The following RASD2 variants were observed in gnomAD, a reference collection of about 807,000 sequenced individuals.
The protein encoded by RASD2 is GTP-binding protein Rhes.
In RASD2, 7 loss-of-function variants were observed where a neutral mutation model predicts 15.8. That is an observed-to-expected ratio of 0.44 (90% CI 0.25 to 0.83). The LOEUF (loss-of-function observed/expected upper bound fraction) is 0.83. RASD2 is among the 40% of genes least tolerant of loss of function. RASD2 has a pLI of 0.20. For missense variants in RASD2, 274 were observed against 382.8 expected, an observed-to-expected ratio of 0.72 and a Z score of 2.37; for synonymous variants, 155 against 153.6, an observed-to-expected ratio of 1.01 and a Z score of -0.07.
chr22:35,534,044 G>A, the RASD2 span, among the ~76,000 whole-genome samples: 1 of 152,182 alleles, frequency 6.6e-6, no homozygotes, highest in Non-Finnish European at 1.5e-5. Context: ...TAGAAAGAGG[G>A]ATGCAGTCCA....
chr22:35,546,722 C>A, intron 1 of RASD2, 79 bp from the exon 2 acceptor site: 2 of 1,516,540 alleles, frequency 1.3e-6, no homozygotes, highest in South Asian at 2.6e-5. Flanking sequence ...GAGTCCTAGA[C>A]AGAGGCCTAG....
upstream of RASD2, among the ~76,000 whole-genome samples, chr22:35,540,295 G>A (rs1156858538): frequency 6.6e-6 from 1 of 151,574 alleles, no homozygotes; most frequent in South Asian, 2.1e-4. Flanking sequence ...TCCGAGGCCC[G>A]GGCCGCCTTC....
chr22:35,540,123 G>A (rs530629931), upstream of RASD2, among the ~76,000 whole-genome samples: 1 of 152,222 alleles, frequency 6.6e-6, no homozygotes, highest in South Asian at 2.1e-4. Flanking sequence ...AGGGCACCCG[G>A]GGACTTCCGC....
chr22:35,551,534 T>C lies in RASD2; in HGVS notation c.303T>C (p.Asp101=). The change falls in exon 3 of 3, where the codon GAT becomes GAC. Residue 101 remains aspartate, a synonymous_variant. Coordinates refer to ENST00000216127, the MANE Select transcript of RASD2 (RefSeq NM_014310.4). This position sits in a 1 kb window ranked among gnomAD's most constrained non-coding sequence, Gnocchi z 4.9. ...TCTTCATCCTGGTGTTCAGCCTGGATAACCGGGAGTCCTTCGATGAGGTCA... is the reference window on the plus strand; with the variant it reads ...TCTTCATCCTGGTGTTCAGCCTGGACAACCGGGAGTCCTTCGATGAGGTCA... ...GDVFILVFSL[D]NRESFDEVKR... is the part of the protein sequence containing the mutation. 1 of 1,612,148 alleles carries C rather than the reference T, an allele frequency of 6.2e-7. No homozygotes were observed. Among genetic ancestry groups the C allele is most frequent in the Non-Finnish European group, 8.5e-7 (1 of 1,178,386 alleles).
chr22:35,542,012 C>A (rs1934362366), intron 1 of RASD2, among the ~76,000 whole-genome samples: 1 of 152,106 alleles, frequency 6.6e-6, no homozygotes, highest in African/African-American at 2.4e-5. Context: ...TGGATGATTC[C>A]CTTCCCAGGA....
upstream of RASD2, among the ~76,000 whole-genome samples, chr22:35,539,513 A>G (rs9622223): frequency 3.2e-3 from 492 of 152,268 alleles, 1 homozygote; most frequent in Middle Eastern, 6.8e-3. Context: ...AAGCCTCCTG[A>G]TATGTGAAGG....
chr22:35,549,822 C>T (rs1934611771), intron 2 of RASD2, among the ~76,000 whole-genome samples: 1 of 152,146 alleles, frequency 6.6e-6, no homozygotes, highest in Admixed American at 6.5e-5. Flanking sequence ...TCTGGGGGTG[C>T]AGAGGAAGGT....
intron 1 of RASD2, among the ~76,000 whole-genome samples, chr22:35,544,069 CTCAT>C (rs1220917027): frequency 6.6e-6 from 1 of 152,212 alleles, no homozygotes; most frequent in Non-Finnish European, 1.5e-5. Flanking sequence ...CTCCCTGAAG[CTCAT>C]TCAGTCATTG....
At chr22:35,548,958 T>C (rs1243682611) in intron 2 of RASD2, among the ~76,000 whole-genome samples, 1 of 152,138 alleles carries the variant, frequency 6.6e-6, no homozygotes, top group African/African-American at 2.4e-5. Context: ...TCCCCCAGCC[T>C]TGGGGAGGGG....
chr22:35,549,673 C>T (rs1934607746), intron 2 of RASD2, among the ~76,000 whole-genome samples: 1 of 152,192 alleles, frequency 6.6e-6, no homozygotes, highest in Admixed American at 6.5e-5. Flanking sequence ...TTAACACTGA[C>T]TGTGTGCCAG....
chr22:35,547,969 T>C (rs1234695675), intron 2 of RASD2, among the ~76,000 whole-genome samples: 1 of 152,206 alleles, frequency 6.6e-6, no homozygotes, highest in Non-Finnish European at 1.5e-5. Flanking sequence ...TTTTTACAAG[T>C]GGGGAAACTG....
chr22:35,542,895 G>A (rs1026691414), intron 1 of RASD2, among the ~76,000 whole-genome samples: 1 of 152,178 alleles, frequency 6.6e-6, no homozygotes, highest in African/African-American at 2.4e-5. Flanking sequence ...TTTCCGCTCC[G>A]CTGCCTGCAG....
At chr22:35,548,179 G>C (rs1348862227) in intron 2 of RASD2, among the ~76,000 whole-genome samples, 1 of 152,198 alleles carries the variant, frequency 6.6e-6, no homozygotes, top group African/African-American at 2.4e-5. Flanking sequence ...TAGCATGGTA[G>C]CTAAGAGGAC....
Position 35,550,209 on chromosome 22 carries a change from G to T in RASD2, c.272-1294G>T, listed in dbSNP as rs187068108. ...ACCCAGGAGGTGGAGGTTGCAGTGAGCTGAGATCTTGCCATTGCATTCCAG... is the reference window on the plus strand; with the variant it reads ...ACCCAGGAGGTGGAGGTTGCAGTGATCTGAGATCTTGCCATTGCATTCCAG... On this transcript the variant is annotated intron_variant, in intron 2 of 2. Transcript: ENST00000216127. 1.2e-4 allele frequency among the ~76,000 whole-genome samples: 18 copies of T among 152,212 alleles called. No homozygotes were observed. In the East Asian group the frequency reaches 3.3e-3, roughly 28 times the overall value.
intron 2 of RASD2, among the ~76,000 whole-genome samples, chr22:35,548,288 C>T (rs756028311): frequency 1.3e-5 from 2 of 152,218 alleles, no homozygotes; most frequent in Non-Finnish European, 2.9e-5. Context: ...TCTCAGCACT[C>T]TCATCTGTAA....
chr22:35,541,886 C>G (rs536734758), intron 1 of RASD2, among the ~76,000 whole-genome samples: 1 of 152,202 alleles, frequency 6.6e-6, no homozygotes, highest in Admixed American at 6.5e-5. Flanking sequence ...ACTCCTGTCC[C>G]TCTTCTGGAG....
chr22:35,537,843 T>C (rs977448979), upstream of RASD2, among the ~76,000 whole-genome samples: 3 of 152,176 alleles, frequency 2.0e-5, no homozygotes, highest in African/African-American at 7.2e-5. Context: ...CGGAAGTGAT[T>C]TGATTTTGCT....
chr22:35,533,351 G>A, the RASD2 span, among the ~76,000 whole-genome samples: 3 of 152,226 alleles, frequency 2.0e-5, no homozygotes, highest in African/African-American at 7.2e-5. Context: ...AGGAAGTTGT[G>A]TTGCCTTTGT....
intron 2 of RASD2, among the ~76,000 whole-genome samples, chr22:35,549,958 A>C (rs1327725912): frequency 1.3e-5 from 2 of 152,150 alleles, no homozygotes; most frequent in Non-Finnish European, 1.5e-5. Flanking sequence ...CCACAAGGCT[A>C]TCAAGAGTTT....
Sources: allele counts gnomAD v4.1 joint callset (sites outside exome capture counted in the v4.1 genomes callset), GRCh38; gene constraint gnomAD v4.1.1; non-coding constraint Gnocchi (gnomAD v3.1); transcripts MANE v1.5; gene names NCBI Gene and HGNC (gene_info 2026-07-23, HGNC 2026-07-21).